Variants in KIFC3 observed in about 807,000 individuals in gnomAD.
KIFC3 encodes kinesin-like protein KIFC3.
A neutral mutation model predicts 101.8 loss-of-function variants in KIFC3; 60 were observed. The observed-to-expected ratio is 0.59, with a 90% CI of 0.48 to 0.73. The LOEUF (loss-of-function observed/expected upper bound fraction) is 0.73, where lower values mean the gene tolerates loss of function less well. Ranked by LOEUF, KIFC3 falls within the 30% of genes least tolerant of loss-of-function variation. The pLI, the probability that KIFC3 is intolerant of heterozygous loss-of-function variation, is 0.00. For missense variants in KIFC3, 966 were observed against 1,137.1 expected (o/e 0.85, Z 2.16); for synonymous variants, 476 against 482.7 (o/e 0.99, Z 0.18).
chr16:57,830,347 C>G lies in KIFC3; in HGVS notation c.109-32065G>C, dbSNP rs182802824. Among the ~76,000 whole-genome samples, 106 of 150,298 alleles carry G rather than the reference C, an allele frequency of 7.1e-4. 1 individual carries two copies. The highest frequency in any genetic ancestry group is 5.4e-3 in the Admixed American group (80 of 14,906). ...CCCCCTCCCGGGTTCCAGCAATTCT[C>G]CTGCCTCAGCCTCTAGAGTAGCTGA... On this transcript the variant is annotated intron_variant, in intron 1 of 2. Transcript: ENST00000563028.
chr16:57,781,431 A>G (rs2052723404), intron 3 of KIFC3, among the ~76,000 whole-genome samples: 1 of 152,262 alleles, frequency 6.6e-6, no homozygotes, highest in South Asian at 2.1e-4. Context: ...ACTCAAGGCC[A>G]GCAGGACATG....
At chr16:57,787,817 A>G (rs1294982495) in intron 3 of KIFC3, among the ~76,000 whole-genome samples, 1 of 152,200 alleles carries the variant, frequency 6.6e-6, no homozygotes, top group Admixed American at 6.5e-5. Context: ...GGGCTCTGGG[A>G]CAGCCTCAGA....
chr16:57,809,398 C>T (rs782473866), intron 1 of KIFC3, among the ~76,000 whole-genome samples: 7 of 152,192 alleles, frequency 4.6e-5, no homozygotes, highest in Non-Finnish European at 1.0e-4. Flanking sequence ...TGAGTTGAAG[C>T]AGTCCTCCCA....
At chr16:57,764,535 G>A (rs1165837325) in intron 11 of KIFC3, 1 of 419,730 alleles carries the variant, frequency 2.4e-6, no homozygotes, top group African/African-American at 2.0e-5. Context: ...GGAAGGTGGA[G>A]GCCAGCACAT....
intron 3 of KIFC3, among the ~76,000 whole-genome samples, chr16:57,782,808 T>C (rs887834934): frequency 6.6e-6 from 1 of 152,176 alleles, no homozygotes; most frequent in African/African-American, 2.4e-5. Flanking sequence ...TAGCCAGGCA[T>C]GGTAGTGAAT....
chr16:57,785,450 G>A (rs2053220245), intron 3 of KIFC3: 1 of 1,279,738 alleles, frequency 7.8e-7, no homozygotes, highest in South Asian at 1.2e-5. Context: ...GCCCATCCCA[G>A]CCTCCCCAGG....
intron 1 of KIFC3, chr16:57,815,725 A>C: frequency 8.7e-7 from 1 of 1,154,454 alleles, no homozygotes; most frequent in Non-Finnish European, 1.2e-6. Context: ...TACTCCCTCA[A>C]CTCCACCCAG....
chr16:57,798,258 C>A lies in KIFC3; in HGVS notation c.-15G>T, dbSNP rs1346033858. 3 of 1,551,496 alleles carry A rather than the reference C, an allele frequency of 1.9e-6. No homozygotes were observed. Among genetic ancestry groups the A allele is most frequent in the Admixed American group, 1.9e-5 (1 of 51,440 alleles). On this transcript the variant is annotated 5_prime_UTR_variant, in exon 2 of 20. Coordinates refer to ENST00000445690, the MANE Select transcript of KIFC3 (RefSeq NM_001130100.2). ...GAGGGGACCATGGCCTGGGGCTCAGCAGCCTCCTCGGGGCACCAGGCAGCC... is the reference window on the plus strand; with the variant it reads ...GAGGGGACCATGGCCTGGGGCTCAGAAGCCTCCTCGGGGCACCAGGCAGCC...
Position 57,771,617 on chromosome 16 carries a change from G to GC in KIFC3, c.450dup (p.Arg151AlafsTer4). The GC allele has an allele frequency of 6.2e-7, 1 of 1,613,188 alleles. No individual in the cohort carries two copies. The highest frequency in any genetic ancestry group is 8.5e-7 in the Non-Finnish European group (1 of 1,179,958). On this transcript the variant is annotated frameshift_variant, in exon 5 of 20. Transcript: ENST00000445690. LOFTEE classifies it high-confidence loss of function. ...TCTTGCAGCTCGGCCTCACAGCGCC[G>GC]CATCTCCTGCCTCAGTCGCTCATTC...
rs192146372 is a variant in KIFC3 at position 57,764,281 on chromosome 16, G to T, written c.1513-34C>A. 4.9e-3 allele frequency: 6,166 copies of T among 1,247,720 alleles called. 193 individuals carry two copies. Among genetic ancestry groups the T allele is most frequent in the South Asian group, 0.028 (2,180 of 77,360 alleles). The allele number at this position is 1,247,720 out of a possible 1,614,324, so 77.3% of individuals were successfully genotyped here. A position where few individuals can be genotyped will look rare whatever the true frequency, so the allele number is the denominator to read the frequency against. ...GTGGTGGGAGGGAGGCTGGTGGGGG[G>T]GCTTCCAGGGCCGCTGGGACCACCA... On this transcript the variant is annotated intron_variant, in intron 11 of 19. Transcript: ENST00000445690.
Position 57,760,143 on chromosome 16 carries a change from C to T in KIFC3, c.2367+139G>A, listed in dbSNP as rs538751875. ...TGAAGAGGCTGCTGGCTGTGGGTTC[C>T]AGCCGTAGCTCCACCCAACTCCGGC... is the stretch of plus-strand genomic sequence containing the variant. On this transcript the variant is annotated intron_variant, in intron 17 of 19. Transcript: ENST00000445690. The T allele has an allele frequency of 2.5e-5, 26 of 1,038,840 alleles. No homozygotes were observed. The African/African-American group carries it at 3.3e-4, about 13-fold the overall frequency. The allele number at this position is 1,038,840 out of a possible 1,614,324, so 64.4% of individuals were successfully genotyped here.
intron 1 of KIFC3, among the ~76,000 whole-genome samples, chr16:57,815,062 G>C (rs2055189133): frequency 6.6e-6 from 1 of 152,188 alleles, no homozygotes; most frequent in African/African-American, 2.4e-5. Context: ...CATGCTCTAG[G>C]ACACGCAGGC....
intron 9 of KIFC3, among the ~76,000 whole-genome samples, chr16:57,767,798 G>A (rs782495974): frequency 5.3e-5 from 8 of 151,858 alleles, no homozygotes; most frequent in African/African-American, 7.3e-5. Flanking sequence ...TCAGCCTCCC[G>A]AGTAGCTGGG....
intron 9 of KIFC3, among the ~76,000 whole-genome samples, chr16:57,768,793 G>A (rs782737682): frequency 1.3e-5 from 2 of 152,208 alleles, no homozygotes; most frequent in Non-Finnish European, 2.9e-5. Flanking sequence ...AGCTCGACAT[G>A]TAGGAGGCAC....
At chr16:57,811,822 G>T (rs970909124) in intron 1 of KIFC3, among the ~76,000 whole-genome samples, 13 of 151,596 alleles carry the variant, frequency 8.6e-5, no homozygotes, top group South Asian at 2.1e-4. Flanking sequence ...AGGCTGAGGC[G>T]GAGAATCACT....
intron 1 of KIFC3, among the ~76,000 whole-genome samples, chr16:57,838,599 T>A (rs1318569984): frequency 6.6e-6 from 1 of 152,194 alleles, no homozygotes; most frequent in Non-Finnish European, 1.5e-5. Flanking sequence ...AGGAAAATCT[T>A]TACGTGGAAA....
intron 1 of KIFC3, chr16:57,846,483 G>C (rs561423527): frequency 6.6e-6 from 1 of 152,338 alleles, no homozygotes; most frequent in Non-Finnish European, 1.5e-5. Context: ...ACTGGAATGC[G>C]ATGTTCTGCT....
At chr16:57,853,694 C>T (rs2056104280) in intron 1 of KIFC3, among the ~76,000 whole-genome samples, 2 of 152,074 alleles carry the variant, frequency 1.3e-5, no homozygotes, top group South Asian at 2.1e-4. Flanking sequence ...TGCAATGGCA[C>T]AATCTCCGCT....
intron 1 of KIFC3, among the ~76,000 whole-genome samples, chr16:57,848,815 G>A (rs1279682476): frequency 6.6e-6 from 1 of 152,094 alleles, no homozygotes; most frequent in Non-Finnish European, 1.5e-5. Flanking sequence ...AAAAACTAGA[G>A]GTTTTCTCTA....
Sources: gnomAD v4.1 joint callset for allele counts (sites outside exome capture counted in the v4.1 genomes callset) on GRCh38, gnomAD v4.1.1 for gene constraint, MANE v1.5 for transcripts, NCBI Gene and HGNC (gene_info 2026-07-23, HGNC 2026-07-21) for gene names.